Variants in EBF3 observed in about 807,000 individuals in gnomAD.
EBF3 encodes the protein EBF transcription factor 3, also known as transcription factor COE3.
Under a neutral mutation model 77.1 loss-of-function variants are expected in EBF3, and 18 were observed. The observed-to-expected ratio is 0.23, with a 90% CI of 0.16 to 0.35. EBF3 has a LOEUF of 0.35. EBF3 is among the 10% of genes least tolerant of loss of function. The probability of loss-of-function intolerance (pLI) is 1.00; values close to 1 mark genes in which losing one functional copy is unlikely to be tolerated. For missense variants in EBF3, 558 were observed against 860.0 expected, an observed-to-expected ratio of 0.65 and a Z score of 4.39; for synonymous variants, 350 against 343.5, an observed-to-expected ratio of 1.02 and a Z score of -0.21.
At chr10:129,928,080 A>T (rs1265378811) in intron 6 of EBF3, among the ~76,000 whole-genome samples, 1 of 152,160 alleles carries the variant, frequency 6.6e-6, no homozygotes, top group African/African-American at 2.4e-5. Context: ...GAGCAATGCC[A>T]CTTGCCCTGC....
chr10:129,840,926 A>G lies in EBF3; in HGVS notation c.1479T>C (p.Tyr493=). 1 of 1,613,922 alleles carries G rather than the reference A, an allele frequency of 6.2e-7. No individual in the cohort carries two copies. The highest frequency in any genetic ancestry group is 8.5e-7 in the Non-Finnish European group (1 of 1,179,996). ...YNTVSTSMNG[Y]GSGAMASLGV... ...CTAGACTGGCCATGGCGCCACTTCC[A>G]TATCCATTCATGCTAGTGCTGACTG... The change falls in exon 14 of 17, where the codon TAT becomes TAC. Residue 493 remains tyrosine, a synonymous_variant. Coordinates refer to ENST00000440978, the MANE Select transcript of EBF3 (RefSeq NM_001375380.1).
chr10:129,949,447 T>C lies in EBF3; in HGVS notation c.554+7811A>G, dbSNP rs367789841. Among the ~76,000 whole-genome samples the C allele has an allele frequency of 4.6e-5, 7 of 152,220 alleles. No individual in the cohort carries two copies. In the South Asian group the frequency reaches 8.3e-4, roughly 18 times the overall value. On this transcript the variant is annotated intron_variant, in intron 6 of 16. Transcript: ENST00000440978. ...CGGCTTTCCTGGGTGTTACCTCAAA[T>C]AAAAGGGACACTCCCCCATGGGGCC...
chr10:129,909,519 T>G lies in EBF3; in HGVS notation c.555-31670A>C, dbSNP rs1387222709. On this transcript the variant is annotated intron_variant, in intron 6 of 16. Coordinates refer to ENST00000440978, the MANE Select transcript of EBF3 (RefSeq NM_001375380.1). ...CACCCTGGCTCTCAGAGGGAGGTCATGGGTTCTCACTCACCTGGCCTGGGC... is the reference window on the plus strand; with the variant it reads ...CACCCTGGCTCTCAGAGGGAGGTCAGGGGTTCTCACTCACCTGGCCTGGGC... Among the ~76,000 whole-genome samples the G allele has an allele frequency of 2.0e-5, 3 of 152,182 alleles. No individual in the cohort carries two copies. The East Asian group carries it at 5.8e-4, about 29-fold the overall frequency.
At chr10:129,908,135 C>A (rs1429873578) in intron 6 of EBF3, among the ~76,000 whole-genome samples, 1 of 152,118 alleles carries the variant, frequency 6.6e-6, no homozygotes, top group Non-Finnish European at 1.5e-5. Flanking sequence ...AATAGACAGG[C>A]CACATGGAGT....
At chr10:129,927,189 C>T (rs1856735276) in intron 6 of EBF3, among the ~76,000 whole-genome samples, 1 of 152,214 alleles carries the variant, frequency 6.6e-6, no homozygotes, top group African/African-American at 2.4e-5. Context: ...AATGCCCGTT[C>T]CCATTCTGTT....
intron 10 of EBF3, 114 bp downstream of exon 10, chr10:129,867,027 T>C: frequency 7.2e-7 from 1 of 1,392,926 alleles, no homozygotes; most frequent in Non-Finnish European, 9.4e-7. Context: ...GCTTTGTCTG[T>C]CTTTCCACAG....
At chr10:129,876,923 C>T (rs1037436654) in intron 7 of EBF3, among the ~76,000 whole-genome samples, 1 of 134,724 alleles carries the variant, frequency 7.4e-6, no homozygotes, top group Non-Finnish European at 1.6e-5. Flanking sequence ...CCTCTGTATC[C>T]GTCTTTTGGA....
rs569583559 is a variant in EBF3 at position 129,935,167 on chromosome 10, A to C, written c.554+22091T>G. Among the ~76,000 whole-genome samples, 3 of 152,264 alleles carry C rather than the reference A, an allele frequency of 2.0e-5. No homozygotes were observed. In the East Asian group the frequency reaches 5.8e-4, roughly 29 times the overall value. On this transcript the variant is annotated intron_variant, in intron 6 of 16. Coordinates refer to ENST00000440978, the MANE Select transcript of EBF3 (RefSeq NM_001375380.1). The surrounding 1 kb of genome is among the most constrained non-coding windows in gnomAD (Gnocchi z 4.2). ...GGATGCATTTTCCTGTCTCCACTCCAGCCAAATGTAGCCACATTGTGAGCT... is the reference window on the plus strand; with the variant it reads ...GGATGCATTTTCCTGTCTCCACTCCCGCCAAATGTAGCCACATTGTGAGCT...
intron 7 of EBF3, among the ~76,000 whole-genome samples, chr10:129,875,187 C>CTTCTTTTTTTTTTTTTTTTTT (rs1852672323): frequency 1.3e-4 from 12 of 92,940 alleles, no homozygotes; most frequent in African/African-American, 4.9e-4. Context: ...ATGGCTTCTT[C>CTTCTTTTTTTTTTTTTTTTTT]TTTTTTTTTT....
rs552153852 is a variant in EBF3, at chr10:129,863,698, G to C, written c.1039+3443C>G. ...CAAAGGGGCTGGCTCAGTTTTCAGC[G>C]GGGGAGTGCAATTCCCGGTGATTAC... is the stretch of plus-strand genomic sequence containing the variant. On this transcript the variant is annotated intron_variant, in intron 10 of 16. Coordinates refer to ENST00000440978, the MANE Select transcript of EBF3 (RefSeq NM_001375380.1). The surrounding 1 kb of genome is among the most constrained non-coding windows in gnomAD (Gnocchi z 4.0). Among the ~76,000 whole-genome samples the C allele has an allele frequency of 3.3e-5, 5 of 152,294 alleles. No homozygotes were observed. Among genetic ancestry groups the C allele is most frequent in the African/African-American group, 1.2e-4 (5 of 41,568 alleles).
intron 9 of EBF3, 131 bp downstream of exon 9, chr10:129,867,651 A>G: frequency 6.9e-7 from 1 of 1,448,574 alleles, no homozygotes. Context: ...CTGCTGCCAC[A>G]GGCGAACAGT....
intron 8 of EBF3, among the ~76,000 whole-genome samples, chr10:129,869,390 G>A (rs1027180532): frequency 4.8e-5 from 7 of 146,230 alleles, no homozygotes; most frequent in Non-Finnish European, 6.0e-5. Context: ...CAAGCCACCC[G>A]CCCCCCACCA....
chr10:129,877,483 A>G (rs1007119540), intron 7 of EBF3, among the ~76,000 whole-genome samples: 3 of 26,440 alleles, frequency 1.1e-4, no homozygotes, highest in African/African-American at 3.2e-4. Context: ...TCTGTCTCCA[A>G]AAAAAAAAAA....
At position 129,938,947 on chromosome 10, in the gene EBF3, A is replaced by T. The variant is rs953126976; in HGVS notation, c.554+18311T>A. Reference sequence around the variant, plus strand: ...CTCAATTATCCCAACTCCATCCTTTAAACAGCTCCTAGAACCTCTGACCTG... The same window carrying T: ...CTCAATTATCCCAACTCCATCCTTTTAACAGCTCCTAGAACCTCTGACCTG... On this transcript the variant is annotated intron_variant, in intron 6 of 16. Transcript: ENST00000440978. This position sits in a 1 kb window ranked among gnomAD's most constrained non-coding sequence, Gnocchi z 5.1. Among the ~76,000 whole-genome samples the T allele has an allele frequency of 1.3e-5, 2 of 152,196 alleles. No homozygotes were observed. The highest frequency in any genetic ancestry group is 4.8e-5 in the African/African-American group (2 of 41,444).
At chr10:129,853,471 A>C (rs1424349344) in intron 10 of EBF3, among the ~76,000 whole-genome samples, 1 of 152,206 alleles carries the variant, frequency 6.6e-6, no homozygotes, top group African/African-American at 2.4e-5. Context: ...TAACGCAGTA[A>C]TTTTCTAGCT....
rs778643291 is a variant in EBF3, at chr10:129,848,678, A to T, written c.1040-198T>A. On this transcript the variant is annotated intron_variant, in intron 10 of 16. Transcript: ENST00000440978. The surrounding 1 kb of genome is among the most constrained non-coding windows in gnomAD (Gnocchi z 4.4). ...CACATAAAAGCAACGATTATTTCTG[A>T]TCTATAATTAGACTGGAAGAAAGTC... 6.6e-6 allele frequency among the ~76,000 whole-genome samples: 1 copy of T among 152,168 alleles called. No individual in the cohort carries two copies. The highest frequency in any genetic ancestry group is 1.5e-5 in the Non-Finnish European group (1 of 68,044).
chr10:129,898,791 C>T (rs779050922), intron 6 of EBF3, among the ~76,000 whole-genome samples: 1 of 152,142 alleles, frequency 6.6e-6, no homozygotes, highest in South Asian at 2.1e-4. Flanking sequence ...GCCTCTTAGA[C>T]CCCTCATTTC....
intron 6 of EBF3, among the ~76,000 whole-genome samples, chr10:129,883,219 C>T (rs1853331062): frequency 6.6e-6 from 1 of 152,136 alleles, no homozygotes; most frequent in Non-Finnish European, 1.5e-5. Context: ...CTGACTGGCC[C>T]CCTGAAAAGA....
At chr10:129,941,801 G>A (rs1857761241) in intron 6 of EBF3, among the ~76,000 whole-genome samples, 1 of 152,182 alleles carries the variant, frequency 6.6e-6, no homozygotes, top group Non-Finnish European at 1.5e-5. Context: ...GCAGTGCCAG[G>A]CCTGGGTGGA....
Sources: allele counts gnomAD v4.1 joint callset (sites outside exome capture counted in the v4.1 genomes callset), GRCh38; gene constraint gnomAD v4.1.1; non-coding constraint Gnocchi (gnomAD v3.1); transcripts MANE v1.5; gene names NCBI Gene and HGNC (gene_info 2026-07-23, HGNC 2026-07-21).